Variants in PTDSS1 observed in about 807,000 individuals in gnomAD.
PTDSS1 encodes phosphatidylserine synthase 1.
Under a neutral mutation model 70.5 loss-of-function variants are expected in PTDSS1, and 45 were observed. The observed-to-expected ratio is 0.64, with a 90% CI of 0.50 to 0.82. PTDSS1 has a LOEUF of 0.82. Ranked by LOEUF, PTDSS1 falls within the 40% of genes least tolerant of loss-of-function variation. PTDSS1 has a pLI of 0.00. For missense variants in PTDSS1, 417 were observed against 586.1 expected (o/e 0.71, Z 2.98); for synonymous variants, 188 against 203.8 (o/e 0.92, Z 0.66).
intron 12 of PTDSS1, among the ~76,000 whole-genome samples, chr8:96,333,060 G>A (rs1242156406): frequency 2.0e-5 from 3 of 152,230 alleles, no homozygotes; most frequent in African/African-American, 7.2e-5. Flanking sequence ...GTGTGGAGCA[G>A]GTGAAGGGAT....
intron 10 of PTDSS1, among the ~76,000 whole-genome samples, chr8:96,328,866 C>T (rs950318861): frequency 2.6e-5 from 4 of 152,134 alleles, no homozygotes; most frequent in Admixed American, 2.6e-4. Context: ...TCCCATGATG[C>T]TTTTCGTTCT....
intron 4 of PTDSS1, 45 bp from the exon 5 acceptor site, chr8:96,295,053 G>A: frequency 1.3e-6 from 2 of 1,536,028 alleles, no homozygotes; most frequent in Non-Finnish European, 1.8e-6. Context: ...GAAGCAAGTT[G>A]ATTTCTAGAG....
chr8:96,265,528 A>T (rs1810473727), intron 1 of PTDSS1, among the ~76,000 whole-genome samples: 1 of 152,162 alleles, frequency 6.6e-6, no homozygotes, highest in South Asian at 2.1e-4. Context: ...TCATTTTCCT[A>T]TTTGAAAAAG....
At chr8:96,310,261 C>T (rs1246199775) in intron 9 of PTDSS1, among the ~76,000 whole-genome samples, 7 of 148,942 alleles carry the variant, frequency 4.7e-5, no homozygotes, top group South Asian at 4.3e-4. Flanking sequence ...GCCTTCTGGG[C>T]TCAAGTGATT....
intron 8 of PTDSS1, chr8:96,309,228 T>C (rs1811171159): frequency 7.3e-6 from 1 of 137,056 alleles, no homozygotes; most frequent in Non-Finnish European, 1.4e-5. Context: ...TTTTTTAGGC[T>C]AGTCAAGTGA....
chr8:96,330,972 A>G, intron 11 of PTDSS1, 54 bp from the exon 12 acceptor site: 2 of 1,508,786 alleles, frequency 1.3e-6, no homozygotes, highest in Middle Eastern at 1.8e-4. Context: ...TTGCCCTGCC[A>G]CTTCTCCCAG....
chr8:96,282,163 T>C (rs1166807384), intron 2 of PTDSS1, among the ~76,000 whole-genome samples: 1 of 152,188 alleles, frequency 6.6e-6, no homozygotes, highest in African/African-American at 2.4e-5. Flanking sequence ...GATAAAGTAA[T>C]ATTTACAAGC....
intron 9 of PTDSS1, among the ~76,000 whole-genome samples, chr8:96,313,715 C>A (rs1811244992): frequency 6.6e-6 from 1 of 152,290 alleles, no homozygotes; most frequent in South Asian, 2.1e-4. Flanking sequence ...CAGAGCTGCT[C>A]CTCACCCGAC....
At chr8:96,277,307 G>A (rs1810662769) in intron 2 of PTDSS1, among the ~76,000 whole-genome samples, 1 of 152,250 alleles carries the variant, frequency 6.6e-6, no homozygotes, top group Non-Finnish European at 1.5e-5. Flanking sequence ...GCTTTGGAAG[G>A]TGCTAGTGGA....
In PTDSS1 at chr8:96,306,567, A is replaced by G. The variant is rs1185062307; in HGVS notation, c.1007+11A>G. Reference sequence around the variant, plus strand: ...AGCTCCCACAGTGAGGTAATTCTGCACAAGCCTGACTGTCATATGAGAACA... The same window carrying G: ...AGCTCCCACAGTGAGGTAATTCTGCGCAAGCCTGACTGTCATATGAGAACA... On this transcript the variant is annotated intron_variant, in intron 8 of 12. Transcript: ENST00000517309. 1 of 1,573,704 alleles carries G rather than the reference A, an allele frequency of 6.4e-7. No homozygotes were observed. Among genetic ancestry groups the G allele is most frequent in the Non-Finnish European group, 8.7e-7 (1 of 1,143,264 alleles).
intron 9 of PTDSS1, among the ~76,000 whole-genome samples, chr8:96,317,435 T>C (rs1177457531): frequency 1.3e-5 from 2 of 152,078 alleles, no homozygotes; most frequent in Non-Finnish European, 2.9e-5. Context: ...AGCACGGTCT[T>C]CAGAAAAACT....
intron 1 of PTDSS1, among the ~76,000 whole-genome samples, chr8:96,267,305 C>T (rs1387248113): frequency 6.6e-6 from 1 of 152,114 alleles, no homozygotes; most frequent in East Asian, 1.9e-4. Flanking sequence ...TGCCTCTAGC[C>T]CAGGTTTCTC....
chr8:96,324,687 A>G (rs1811415492), intron 10 of PTDSS1, among the ~76,000 whole-genome samples: 2 of 152,112 alleles, frequency 1.3e-5, no homozygotes, highest in Admixed American at 6.5e-5. Context: ...CTCATGACCT[A>G]TCACCTCTTA....
intron 10 of PTDSS1, among the ~76,000 whole-genome samples, chr8:96,329,480 G>A (rs1431358800): frequency 2.0e-5 from 3 of 152,138 alleles, no homozygotes; most frequent in Non-Finnish European, 4.4e-5. Context: ...TCTTGTCTGT[G>A]CTTTTCTTTC....
intron 10 of PTDSS1, among the ~76,000 whole-genome samples, chr8:96,326,260 C>T (rs1343698994): frequency 2.0e-5 from 3 of 152,218 alleles, no homozygotes; most frequent in African/African-American, 7.2e-5. Flanking sequence ...AACATATGAC[C>T]CCCATGAAAT....
At position 96,306,502 on chromosome 8, in the gene PTDSS1, C is replaced by T. The variant is rs1586200389; in HGVS notation, c.953C>T (p.Pro318Leu). ...KHIFVFQASH[P>L]LSWGRILFIG... Reference sequence around the variant, plus strand: ...ATCTTTGTGTTCCAAGCCAGTCATCCATTAAGTTGGGGTAGAATTCTCTTT... The same window carrying T: ...ATCTTTGTGTTCCAAGCCAGTCATCTATTAAGTTGGGGTAGAATTCTCTTT... The change falls in exon 8 of 13, where the codon CCA (proline) becomes CTA (leucine). Residue 318 changes from proline (P) to leucine (L), a missense_variant. Pro to Leu is a moderately conservative substitution (Grantham distance 98). Transcript: ENST00000517309. 2 of 1,614,118 alleles carry T rather than the reference C, an allele frequency of 1.2e-6. No individual in the cohort carries two copies. Among genetic ancestry groups the T allele is most frequent in the Non-Finnish European group, 8.5e-7 (1 of 1,179,998 alleles).
rs57116529 is a variant in PTDSS1, at chr8:96,276,980, G to GCACACACA, written c.271+3616_271+3623dup. On this transcript the variant is annotated intron_variant, in intron 2 of 12. Transcript: ENST00000517309. ...GGCACATACACGCGCGCACGCGCGCGCACACACACACACACACACACACAC... is the reference window on the plus strand; with the variant it reads ...GGCACATACACGCGCGCACGCGCGCGCACACACACACACACACACACACACACACACAC... 2.5e-3 allele frequency among the ~76,000 whole-genome samples: 364 copies of GCACACACA among 145,990 alleles called. 2 individuals are homozygous for GCACACACA. The highest frequency in any genetic ancestry group is 9.0e-3 in the African/African-American group (342 of 37,952).
chr8:96,280,617 G>A (rs79004038), intron 2 of PTDSS1, among the ~76,000 whole-genome samples: 11,249 of 152,220 alleles, frequency 0.074, 462 homozygotes, highest in African/African-American at 0.082. Flanking sequence ...GGAAGGAACG[G>A]TAAATAAAAC....
rs1810426456 is a variant in PTDSS1, at chr8:96,262,679, C to T, written c.179+460C>T. Among the ~76,000 whole-genome samples, 1 of 152,222 alleles carries T rather than the reference C, an allele frequency of 6.6e-6. No homozygotes were observed. The highest frequency in any genetic ancestry group is 1.5e-5 in the Non-Finnish European group (1 of 68,032). On this transcript the variant is annotated intron_variant, in intron 1 of 12. Coordinates refer to ENST00000517309, the MANE Select transcript of PTDSS1 (RefSeq NM_014754.3). The surrounding 1 kb of genome is among the most constrained non-coding windows in gnomAD (Gnocchi z 4.4). ...AGCGCCTGCAGGCACCATACACAGGCCCAGGACACAACCTAGATCCCTTCC... is the reference window on the plus strand; with the variant it reads ...AGCGCCTGCAGGCACCATACACAGGTCCAGGACACAACCTAGATCCCTTCC...
Sources: gnomAD v4.1 joint callset for allele counts (sites outside exome capture counted in the v4.1 genomes callset) on GRCh38, gnomAD v4.1.1 for gene constraint, Gnocchi (gnomAD v3.1) non-coding constraint, MANE v1.5 for transcripts, NCBI Gene and HGNC (gene_info 2026-07-23, HGNC 2026-07-21) for gene names.